The following TVP23A variants were observed in gnomAD, a reference collection of about 807,000 sequenced individuals.
TVP23A encodes Golgi apparatus membrane protein TVP23 homolog A.
TVP23A carries 21 observed loss-of-function variants against 31.7 expected under a neutral mutation model. The observed-to-expected ratio is 0.66, with a 90% confidence interval of 0.47 to 0.95. TVP23A has a LOEUF of 0.95. Ranked by LOEUF, TVP23A falls within the 40% of genes least tolerant of loss-of-function variation. The probability of loss-of-function intolerance (pLI) is 0.00; values close to 1 mark genes in which losing one functional copy is unlikely to be tolerated. For missense variants in TVP23A, 279 were observed against 255.6 expected (o/e 1.09, Z -0.62); for synonymous variants, 104 against 96.0 (o/e 1.08, Z -0.49).
chr16:10,777,489 A>G lies in TVP23A; in HGVS notation c.90-2393T>C, dbSNP rs945767373. On this transcript the variant is annotated intron_variant, in intron 2 of 7. Coordinates refer to ENST00000299866, the MANE Select transcript of TVP23A (RefSeq NM_001079512.4). This position sits in a 1 kb window ranked among gnomAD's most constrained non-coding sequence, Gnocchi z 4.5. The stretch of plus-strand genomic sequence containing the variant: ...GGGAAAGCGCCTGCTCATTCTCCCC[A>G]AGAAGAAACGGAGTCCGAGTCAACA... 6.6e-6 allele frequency among the ~76,000 whole-genome samples: 1 copy of G among 152,116 alleles called. No homozygotes were observed.
chr16:10,778,972 G>T (rs1408540734), intron 2 of TVP23A, among the ~76,000 whole-genome samples: 1 of 152,136 alleles, frequency 6.6e-6, no homozygotes, highest in Non-Finnish European at 1.5e-5. Flanking sequence ...AAAACATACA[G>T]ATCTCAAAAA....
exon 9 of TVP23A, chr16:10,761,412 G>A: frequency 6.2e-7 from 1 of 1,614,178 alleles, no homozygotes; most frequent in Non-Finnish European, 8.5e-7. Flanking sequence ...CTGCCGCAAG[G>A]TGAAGCTGCC....
At position 10,816,728 on chromosome 16, in the gene TVP23A, C is replaced by T. The variant is rs1044078833; in HGVS notation, c.89+1375G>A. Among the ~76,000 whole-genome samples, 37 of 151,492 alleles carry T rather than the reference C, an allele frequency of 2.4e-4. 1 individual carries two copies. Among genetic ancestry groups the T allele is most frequent in the Admixed American group, 1.9e-3 (29 of 15,172 alleles). The stretch of plus-strand genomic sequence containing the variant: ...CAATAGTCCTTATAAGAAAGAGGCA[C>T]GGGGGAAGTGGGGAGGGATAGCATT... On this transcript the variant is annotated intron_variant, in intron 2 of 7. Coordinates refer to ENST00000299866, the MANE Select transcript of TVP23A (RefSeq NM_001079512.4).
intron 2 of TVP23A, among the ~76,000 whole-genome samples, chr16:10,783,974 A>C (rs1185608002): frequency 6.6e-6 from 1 of 152,086 alleles, no homozygotes; most frequent in African/African-American, 2.4e-5. Context: ...GGACTTTTAG[A>C]GCTGGGAAAC....
chr16:10,809,051 T>TG (rs2034073166), intron 2 of TVP23A, among the ~76,000 whole-genome samples: 1 of 152,190 alleles, frequency 6.6e-6, no homozygotes, highest in African/African-American at 2.4e-5. Flanking sequence ...AACATGCCTC[T>TG]GCACAGCCCA....
chr16:10,798,983 A>G (rs1596551347), intron 2 of TVP23A, among the ~76,000 whole-genome samples: 1 of 151,666 alleles, frequency 6.6e-6, no homozygotes, highest in African/African-American at 2.4e-5. Context: ...TGTCTTGATC[A>G]CTCTCTCCCT....
downstream of TVP23A, among the ~76,000 whole-genome samples, chr16:10,757,504 C>T (rs1265699942): frequency 6.6e-6 from 1 of 152,116 alleles, no homozygotes; most frequent in Non-Finnish European, 1.5e-5. This position sits in a 1 kb window ranked among gnomAD's most constrained non-coding sequence, Gnocchi z 4.1. Context: ...CCGTGTTCTA[C>T]ACCATAGGGT....
chr16:10,800,030 T>TTTTTTTTC (rs1407349321), intron 2 of TVP23A, among the ~76,000 whole-genome samples: 1 of 137,610 alleles, frequency 7.3e-6, no homozygotes, highest in African/African-American at 3.1e-5. Flanking sequence ...TTTTTTTTTT[T>TTTTTTTTC]TCGCACTGGC....
intron 2 of TVP23A, among the ~76,000 whole-genome samples, chr16:10,801,037 C>A (rs1267000297): frequency 6.6e-6 from 1 of 152,066 alleles, no homozygotes; most frequent in Non-Finnish European, 1.5e-5. Context: ...TTTTTGTCAA[C>A]AAAAGGATGT....
At chr16:10,817,666 C>T (rs1270627781) in intron 2 of TVP23A, among the ~76,000 whole-genome samples, 7 of 152,202 alleles carry the variant, frequency 4.6e-5, no homozygotes, top group African/African-American at 1.2e-4. Flanking sequence ...GATCTTACAA[C>T]ATAGCCCCAG....
At chr16:10,780,937 C>T (rs147993187) in intron 2 of TVP23A, among the ~76,000 whole-genome samples, 1 of 152,228 alleles carries the variant, frequency 6.6e-6, no homozygotes, top group East Asian at 1.9e-4. Flanking sequence ...TCCTGGGCCC[C>T]TCACATTCCC....
In TVP23A at chr16:10,777,992, AG is replaced by A. The variant is rs1242814703; in HGVS notation, c.90-2897del. On this transcript the variant is annotated intron_variant, in intron 2 of 7. Coordinates refer to ENST00000299866, the MANE Select transcript of TVP23A (RefSeq NM_001079512.4). The surrounding 1 kb of genome is among the most constrained non-coding windows in gnomAD (Gnocchi z 4.5). ...TACTACTGCACTCCAGCCTGGTGAC[AG>A]AGCGAGACTCCGTCTCAAAAAAAAT... Among the ~76,000 whole-genome samples the A allele has an allele frequency of 1.3e-5, 2 of 151,022 alleles. No homozygotes were observed. The highest frequency in any genetic ancestry group is 2.4e-5 in the African/African-American group (1 of 40,928).
chr16:10,771,308 A>C (rs1175049489), intron 6 of TVP23A, among the ~76,000 whole-genome samples: 1 of 152,188 alleles, frequency 6.6e-6, no homozygotes, highest in Non-Finnish European at 1.5e-5. Flanking sequence ...TGGGAGGCCA[A>C]GGCAGGCGGG....
At chr16:10,775,222 T>C (rs1458202300) in intron 2 of TVP23A, 126 bp from the exon 3 acceptor site, 37 of 1,464,146 alleles carry the variant, frequency 2.5e-5, no homozygotes, top group Non-Finnish European at 3.3e-5. Flanking sequence ...CCCCGGTGCA[T>C]ATGACGCAGA....
intron 2 of TVP23A, among the ~76,000 whole-genome samples, chr16:10,782,151 C>T (rs367653847): frequency 1.3e-5 from 2 of 152,078 alleles, no homozygotes; most frequent in East Asian, 1.9e-4. Flanking sequence ...TGTGAGCTAC[C>T]GTACCTGGCC....
downstream of TVP23A, among the ~76,000 whole-genome samples, chr16:10,758,980 T>C (rs1340554606): frequency 6.6e-6 from 1 of 152,140 alleles, no homozygotes; most frequent in Non-Finnish European, 1.5e-5. Context: ...CTCAGGGGCC[T>C]GAGAAACTGA....
At chr16:10,761,436 G>C in exon 9 of TVP23A, 1 of 1,614,174 alleles carries the variant, frequency 6.2e-7, no homozygotes, top group Non-Finnish European at 8.5e-7. Flanking sequence ...CATCGGGGTG[G>C]TGGAGAACAT....
chr16:10,797,770 G>A (rs554978845), intron 2 of TVP23A, among the ~76,000 whole-genome samples: 2 of 151,858 alleles, frequency 1.3e-5, no homozygotes, highest in East Asian at 1.9e-4. Context: ...ATGTATATTT[G>A]AATTGATGTG....
In TVP23A at chr16:10,779,039, G is replaced by A. The variant is rs2032261093; in HGVS notation, c.90-3943C>T. Among the ~76,000 whole-genome samples the A allele has an allele frequency of 6.6e-6, 1 of 152,182 alleles. No homozygotes were observed. Among genetic ancestry groups the A allele is most frequent in the South Asian group, 2.1e-4 (1 of 4,822 alleles). ...CCCATGGTAAAATGTGGAAGTAAAT[G>A]CATTCGAATAAATCCCTTGCCCACC... is the stretch of plus-strand genomic sequence containing the variant. On this transcript the variant is annotated intron_variant, in intron 2 of 7. Transcript: ENST00000299866. This position sits in a 1 kb window ranked among gnomAD's most constrained non-coding sequence, Gnocchi z 4.9.
Sources: allele counts gnomAD v4.1 joint callset (sites outside exome capture counted in the v4.1 genomes callset), GRCh38; gene constraint gnomAD v4.1.1; non-coding constraint Gnocchi (gnomAD v3.1); transcripts MANE v1.5; gene names NCBI Gene and HGNC (gene_info 2026-07-23, HGNC 2026-07-21).